Variants in C1GALT1C1 observed in about 807,000 individuals in gnomAD.
C1GALT1C1 encodes C1GALT1 specific chaperone 1, also known as C1GALT1-specific chaperone 1.
For missense variants in C1GALT1C1, 176 were observed against 234.7 expected (o/e 0.75, Z 1.63); for synonymous variants, 77 against 77.9 (o/e 0.99, Z 0.06).
chrX:120,628,468 G>T (rs1927248342), intron 1 of C1GALT1C1, among the ~76,000 whole-genome samples: 1 of 111,657 alleles, frequency 9.0e-6, no homozygotes, highest in Non-Finnish European at 1.9e-5. Context: ...TTTACAGAGA[G>T]GAAATGGAAG....
rs1274314052 is a variant in C1GALT1C1 at position 120,626,850 on chromosome X, T to C, written c.317A>G (p.Lys106Arg). The change falls in exon 2 of 2, where the codon AAA (lysine) becomes AGA (arginine). Residue 106 changes from lysine (K) to arginine (R), a missense_variant. Coordinates refer to ENST00000304661, the MANE Select transcript of C1GALT1C1 (RefSeq NM_001011551.3). The stretch of plus-strand genomic sequence containing the variant: ...GTCCATATTAATTGACTCAAACACT[T>C]TAACATTTTCAGAACTGAAGAACTC... ...KAEFFSSENV[K>R]VFESINMDTN... The C allele has an allele frequency of 3.3e-6, 4 of 1,211,185 alleles. No individual in the cohort carries two copies. The highest frequency in any genetic ancestry group is 4.5e-6 in the Non-Finnish European group (4 of 895,305).
intron 1 of C1GALT1C1, among the ~76,000 whole-genome samples, chrX:120,627,958 G>A (rs911377141): frequency 1.8e-5 from 2 of 112,154 alleles, no homozygotes; most frequent in Non-Finnish European, 3.8e-5. Context: ...GAAATTAAGA[G>A]GCAGGTGCAG....
intron 1 of C1GALT1C1, among the ~76,000 whole-genome samples, chrX:120,628,218 C>T (rs989908670): frequency 8.1e-5 from 9 of 111,763 alleles, no homozygotes; most frequent in Non-Finnish European, 1.5e-4. Context: ...CCAGCCAGGG[C>T]ATCAGAGTGA....
chrX:120,629,926 G>GT lies in C1GALT1C1; in HGVS notation c.-16_-15insA, dbSNP rs1410322518. On this transcript the variant is annotated 5_prime_UTR_variant, in exon 1 of 2. Transcript: ENST00000304661. ...AGGCCCCGCCACTCACCCGCGTCTAGAACGGCTTGGGGACAGGAAAGCGCA... is the reference window on the plus strand; with the variant it reads ...AGGCCCCGCCACTCACCCGCGTCTAGTAACGGCTTGGGGACAGGAAAGCGCA... 1.8e-5 allele frequency: 2 copies of GT among 112,511 alleles called. No homozygotes were observed. Among genetic ancestry groups the GT allele is most frequent in the Non-Finnish European group, 3.8e-5 (2 of 53,180 alleles). The allele number at this position is 112,511 out of a possible 1,213,427, so 9.3% of individuals were successfully genotyped here.
At chrX:120,628,058 G>A (rs376116332) in intron 1 of C1GALT1C1, among the ~76,000 whole-genome samples, 1 of 110,777 alleles carries the variant, frequency 9.0e-6, no homozygotes, top group African/African-American at 3.3e-5. Flanking sequence ...GGGCAACATG[G>A]TGAAACCTTG....
In C1GALT1C1 at chrX:120,626,033, GA is replaced by G. The variant is rs760133577; in HGVS notation, c.*176del. ...ATTTACAATGTTCATGTGTTTTAAAGAAAAAAACCACCCTCATTTAAAAATG... is the reference window on the plus strand; with the variant it reads ...ATTTACAATGTTCATGTGTTTTAAAGAAAAAACCACCCTCATTTAAAAATG... On this transcript the variant is annotated 3_prime_UTR_variant, in exon 2 of 2. Coordinates refer to ENST00000304661, the MANE Select transcript of C1GALT1C1 (RefSeq NM_001011551.3). The G allele has an allele frequency of 2.4e-5, 9 of 373,502 alleles. No individual in the cohort carries two copies. The highest frequency in any genetic ancestry group is 7.6e-4 in the Middle Eastern group (1 of 1,311). 30.8% of individuals were successfully genotyped at this position (373,502 alleles called of 1,213,427 possible).
At position 120,626,009 on chromosome X, in the gene C1GALT1C1, T is replaced by C. The variant is rs1247249611; in HGVS notation, c.*201A>G. 6 of 326,300 alleles carry C rather than the reference T, an allele frequency of 1.8e-5. No individual in the cohort carries two copies. Among genetic ancestry groups the C allele is most frequent in the African/African-American group, 1.6e-4 (6 of 38,062 alleles). 26.9% of individuals were successfully genotyped at this position (326,300 alleles called of 1,213,427 possible). A position where few individuals can be genotyped will look rare whatever the true frequency, so the allele number is the denominator to read the frequency against. On this transcript the variant is annotated 3_prime_UTR_variant, in exon 2 of 2. Coordinates refer to ENST00000304661, the MANE Select transcript of C1GALT1C1 (RefSeq NM_001011551.3). ...TCTTAAAACACTTCTTTCCAACACA[T>C]TTACAATGTTCATGTGTTTTAAAGA...
Position 120,626,721 on chromosome X carries a change from G to A in C1GALT1C1, c.446C>T (p.Ala149Val), listed in dbSNP as rs770339110. 10 of 1,209,962 alleles carry A rather than the reference G, an allele frequency of 8.3e-6. No homozygotes were observed. Among genetic ancestry groups the A allele is most frequent in the Admixed American group, 2.2e-5 (1 of 45,683 alleles). ...WFFLARPTTF[A>V]IIENLKYFLL... ...AAAATACTTTAGGTTTTCAATGATA[G>A]CAAACGTAGTGGGGCGTGCAAGGAA... Residue 149 changes from alanine (A) to valine (V), a missense_variant, in exon 2 of 2, where the codon GCT (alanine) becomes GTT (valine). Ala to Val is a moderately conservative substitution (Grantham distance 64). Coordinates refer to ENST00000304661, the MANE Select transcript of C1GALT1C1 (RefSeq NM_001011551.3).
chrX:120,629,212 C>T (rs1371514865), intron 1 of C1GALT1C1, among the ~76,000 whole-genome samples: 1 of 102,541 alleles, frequency 9.8e-6, no homozygotes, highest in African/African-American at 3.6e-5. Context: ...GCCTGGGCAA[C>T]AAGAGCGAGA....
chrX:120,626,916 G>A lies in C1GALT1C1; in HGVS notation c.251C>T (p.Ala84Val), dbSNP rs770249151. The change falls in exon 2 of 2, where the codon GCT (alanine) becomes GTT (valine). Residue 84 changes from alanine to valine, a missense_variant. Physicochemically the swap from Ala to Val is moderately conservative, Grantham distance 64. Transcript: ENST00000304661. ...TTTGGTCCAAGTCTCCTTTACTGCA[G>A]CCCAAAGACTCACATCTTTGGGTTT... ...LVKPKDVSLW[A>V]AVKETWTKHC... The A allele has an allele frequency of 2.5e-6, 3 of 1,211,609 alleles. 1 individual carries two copies. The highest frequency in any genetic ancestry group is 1.7e-5 in the African/African-American group (1 of 57,789).
intron 1 of C1GALT1C1, among the ~76,000 whole-genome samples, chrX:120,627,655 T>C (rs1023467063): frequency 8.9e-6 from 1 of 112,516 alleles, no homozygotes; most frequent in Admixed American, 9.5e-5. Flanking sequence ...TTTCTTTAAC[T>C]GATGGCTGCT....
chrX:120,626,401 T>G lies in C1GALT1C1; in HGVS notation c.766A>C (p.Lys256Gln). The G allele has an allele frequency of 8.2e-7, 1 of 1,212,172 alleles. No homozygotes were observed. The highest frequency in any genetic ancestry group is 1.1e-6 in the Non-Finnish European group (1 of 895,484). Residue 256 changes from lysine to glutamine, a missense_variant, in exon 2 of 2, where the codon AAA becomes CAA. Coordinates refer to ENST00000304661, the MANE Select transcript of C1GALT1C1 (RefSeq NM_001011551.3). The stretch of plus-strand genomic sequence containing the variant: ...TTGGGGTGATAAGTCATTGCCTCTT[T>G]AATAGAAAGCCCAACAGATTTGGTA... The part of the protein sequence containing the change: ...FNTKSVGLSI[K>Q]EAMTYHPNQV...
intron 1 of C1GALT1C1, among the ~76,000 whole-genome samples, chrX:120,628,304 T>C (rs1927244093): frequency 8.9e-6 from 1 of 112,526 alleles, no homozygotes; most frequent in African/African-American, 3.2e-5. Flanking sequence ...AAAAAAATTG[T>C]ATGTTAACCA....
Position 120,625,836 on chromosome X carries a change from A to G in C1GALT1C1, c.*374T>C, listed in dbSNP as rs1927151500. ...TTTAATCACAAATTCACAACTAGAG[A>G]TATCATTTGCATATCTTAGAACGCT... On this transcript the variant is annotated 3_prime_UTR_variant, in exon 2 of 2. Coordinates refer to ENST00000304661, the MANE Select transcript of C1GALT1C1 (RefSeq NM_001011551.3). The G allele has an allele frequency of 7.7e-6, 1 of 129,377 alleles. No individual in the cohort carries two copies. The highest frequency in any genetic ancestry group is 8.6e-5 in the Admixed American group (1 of 11,627). The allele number at this position is 129,377 out of a possible 1,213,427, so 10.7% of individuals were successfully genotyped here.
chrX:120,627,221 C>A (rs894381940), intron 1 of C1GALT1C1, 50 bp from the exon 2 acceptor site: 57 of 940,911 alleles, frequency 6.1e-5, no homozygotes, highest in Non-Finnish European at 7.8e-5. Flanking sequence ...AAAGATTAGT[C>A]TATAAATTTG....
In C1GALT1C1 at chrX:120,626,170, G is replaced by A. The variant is rs764428369; in HGVS notation, c.*40C>T. 2.7e-5 allele frequency: 29 copies of A among 1,080,148 alleles called. No homozygotes were observed. Among genetic ancestry groups the A allele is most frequent in the Middle Eastern group, 2.5e-4 (1 of 3,976 alleles). The allele number at this position is 1,080,148 out of a possible 1,213,427, so 89.0% of individuals were successfully genotyped here. A position where few individuals can be genotyped will look rare whatever the true frequency, so the allele number is the denominator to read the frequency against. ...ACTACTACAAATAATGACAACACACGTCCTATACAAAGATCATATTCACGC... is the reference window on the plus strand; with the variant it reads ...ACTACTACAAATAATGACAACACACATCCTATACAAAGATCATATTCACGC... On this transcript the variant is annotated 3_prime_UTR_variant, in exon 2 of 2. Transcript: ENST00000304661.
At position 120,626,483 on chromosome X, in the gene C1GALT1C1, T is replaced by C; in HGVS notation, c.684A>G (p.Lys228=). Residue 228 remains lysine, a synonymous_variant, in exon 2 of 2, where the codon AAA becomes AAG. Transcript: ENST00000304661. ...CATTTTCTGCAAATACTCCAGCATA[T>C]TTCAGGCAAACTGCTAGCTGTTTAT... is the stretch of plus-strand genomic sequence containing the variant. The part of the protein sequence containing the change: ...SEDKQLAVCL[K]YAGVFAENAE... The C allele has an allele frequency of 8.2e-7, 1 of 1,212,174 alleles. No homozygotes were observed. Among genetic ancestry groups the C allele is most frequent in the Non-Finnish European group, 1.1e-6 (1 of 895,557 alleles).
chrX:120,629,858 C>T (rs964117504), intron 1 of C1GALT1C1, 59 bp downstream of exon 1: 2 of 111,968 alleles, frequency 1.8e-5, no homozygotes, highest in African/African-American at 6.5e-5. Flanking sequence ...AGGCCTCCCC[C>T]AAGAGAGGGA....
chrX:120,627,327 G>C (rs1205983047), intron 1 of C1GALT1C1, 156 bp from the exon 2 acceptor site: 9 of 344,964 alleles, frequency 2.6e-5, no homozygotes, highest in Non-Finnish European at 3.8e-5. Flanking sequence ...AGTACAAAAG[G>C]CTCTCAAAAT....
Sources: gnomAD v4.1 joint callset for allele counts (sites outside exome capture counted in the v4.1 genomes callset) on GRCh38, gnomAD v4.1.1 for gene constraint, MANE v1.5 for transcripts, NCBI Gene and HGNC (gene_info 2026-07-23, HGNC 2026-07-21) for gene names.